Variants in EYS observed in about 807,000 individuals in gnomAD.
EYS encodes the protein protein eyes shut homolog.
In EYS, 250 loss-of-function variants were observed where a neutral mutation model predicts 282.1. The observed-to-expected ratio is 0.89, with a 90% confidence interval of 0.80 to 0.98. EYS has a LOEUF of 0.98. Ranked by LOEUF, EYS falls within the 50% of genes least tolerant of loss-of-function variation. The pLI is 0.00. For synonymous variants in EYS, 1,355 were observed against 1,282.9 expected (o/e 1.06, Z -1.20); for missense variants, 4,016 against 3,709.0 (o/e 1.08, Z -2.15).
At chr6:63,739,329 T>C (rs1202257942) in intron 41 of EYS, among the ~76,000 whole-genome samples, 1 of 152,060 alleles carries the variant, frequency 6.6e-6, no homozygotes, top group African/African-American at 2.4e-5. Flanking sequence ...GAGGGAGAAG[T>C]TGGCAGCTGA....
At chr6:63,848,529 G>A (rs186307606) in intron 36 of EYS, among the ~76,000 whole-genome samples, 19 of 151,698 alleles carry the variant, frequency 1.3e-4, no homozygotes, top group Non-Finnish European at 1.9e-4. Flanking sequence ...TGCAGTCCAC[G>A]GAGGGCAAGC....
In EYS at chr6:64,018,759, G is replaced by GTTTTTTTTTTTTTTTTT. The variant is rs1163533009; in HGVS notation, c.6726-19593_6726-19577dup. Among the ~76,000 whole-genome samples the GTTTTTTTTTTTTTTTTT allele has an allele frequency of 7.4e-5, 4 of 53,890 alleles. 1 individual carries two copies. Among genetic ancestry groups the GTTTTTTTTTTTTTTTTT allele is most frequent in the Admixed American group, 4.6e-4 (2 of 4,326 alleles). 35.4% of individuals were successfully genotyped at this position (53,890 alleles called of 152,430 possible). A position where few individuals can be genotyped will look rare whatever the true frequency, so the allele number is the denominator to read the frequency against. Reference sequence around the variant, plus strand: ...GAGTGTCCTGAATGTCATCACAAGTGTTTTTTTTTTTTTTTTTTTTTTTTT... The same window carrying GTTTTTTTTTTTTTTTTT: ...GAGTGTCCTGAATGTCATCACAAGTGTTTTTTTTTTTTTTTTTTTTTTTTTTTTTTTTTTTTTTTTTT... On this transcript the variant is annotated intron_variant, in intron 33 of 42. Coordinates refer to ENST00000503581, the MANE Select transcript of EYS (RefSeq NM_001142800.2).
At chr6:63,833,166 A>G (rs1185259954) in intron 36 of EYS, among the ~76,000 whole-genome samples, 1 of 152,206 alleles carries the variant, frequency 6.6e-6, no homozygotes, top group Non-Finnish European at 1.5e-5. Flanking sequence ...CAAGACAGGG[A>G]TGCCCTCTCT....
At chr6:64,295,282 T>A (rs1768880999) in intron 30 of EYS, among the ~76,000 whole-genome samples, 1 of 130,008 alleles carries the variant, frequency 7.7e-6, no homozygotes, top group African/African-American at 3.2e-5. Context: ...TGTATACATA[T>A]GTAACAAACC....
chr6:64,003,495 C>T (rs1024540340), intron 33 of EYS, among the ~76,000 whole-genome samples: 1 of 151,606 alleles, frequency 6.6e-6, no homozygotes, highest in Non-Finnish European at 1.5e-5. Flanking sequence ...TGATGGATAC[C>T]CCATTTAAAC....
At chr6:65,399,217 C>CT (rs1452097269) in intron 7 of EYS, among the ~76,000 whole-genome samples, 1 of 151,934 alleles carries the variant, frequency 6.6e-6, no homozygotes, top group African/African-American at 2.4e-5. Flanking sequence ...ATGAAAAGAG[C>CT]TTTTTTTCTT....
intron 12 of EYS, among the ~76,000 whole-genome samples, chr6:65,266,113 A>G (rs1767746036): frequency 6.6e-6 from 1 of 151,960 alleles, no homozygotes; most frequent in Non-Finnish European, 1.5e-5. Context: ...GATAATATAG[A>G]GAGAATTTTT....
intron 2 of EYS, among the ~76,000 whole-genome samples, chr6:65,513,023 CAA>C (rs1466921123): frequency 5.3e-5 from 8 of 152,058 alleles, no homozygotes; most frequent in African/African-American, 1.9e-4. Flanking sequence ...AAAGGATCAA[CAA>C]AATTGATAGA....
chr6:65,652,031 AT>A (rs1312806805), intron 1 of EYS, among the ~76,000 whole-genome samples: 1 of 151,872 alleles, frequency 6.6e-6, no homozygotes, highest in Middle Eastern at 3.2e-3. Flanking sequence ...TAGAAGCTCC[AT>A]TTTTTTCTGA....
chr6:65,332,193 T>G (rs1769820442), intron 11 of EYS: 1 of 517,302 alleles, frequency 1.9e-6, no homozygotes, highest in African/African-American at 1.9e-5. Context: ...GTTGAGTGTT[T>G]GTTTCATAAA....
chr6:65,113,899 T>G (rs1411998103), intron 12 of EYS, among the ~76,000 whole-genome samples: 1 of 152,020 alleles, frequency 6.6e-6, no homozygotes. Flanking sequence ...CAGATTCCTC[T>G]TTGTAGGTGT....
chr6:65,648,787 T>C (rs1423145516), intron 1 of EYS, among the ~76,000 whole-genome samples: 1 of 151,970 alleles, frequency 6.6e-6, no homozygotes, highest in East Asian at 1.9e-4. Flanking sequence ...TTAACTGAAA[T>C]TGGTGGCTGA....
intron 31 of EYS, among the ~76,000 whole-genome samples, chr6:64,227,564 A>G (rs1032240078): frequency 6.6e-6 from 1 of 152,018 alleles, no homozygotes; most frequent in Admixed American, 6.6e-5. Context: ...TAATTTAACA[A>G]CTCAAGGCTT....
intron 2 of EYS, among the ~76,000 whole-genome samples, chr6:65,522,904 AT>A (rs903590474): frequency 1.3e-5 from 2 of 152,160 alleles, no homozygotes; most frequent in Admixed American, 6.6e-5. Flanking sequence ...GTAACATTTA[AT>A]TATAATTACC....
At chr6:65,298,862 GC>G (rs35977747) in intron 11 of EYS, among the ~76,000 whole-genome samples, 12,369 of 151,874 alleles carry the variant, frequency 0.081, 657 homozygotes, top group African/African-American at 0.14. Context: ...TTCAAAGGTT[GC>G]AAATATTCTA....
intron 31 of EYS, among the ~76,000 whole-genome samples, chr6:64,223,241 A>C (rs951001599): frequency 7.2e-5 from 11 of 152,030 alleles, no homozygotes; most frequent in Admixed American, 3.9e-4. Context: ...GGCAGTATAT[A>C]AGAAATTATA....
intron 36 of EYS, among the ~76,000 whole-genome samples, chr6:63,849,332 C>A (rs979926737): frequency 6.6e-6 from 1 of 152,198 alleles, no homozygotes. Context: ...AGTGCTCAAG[C>A]TTTGCTAAGG....
At chr6:64,301,896 G>T (rs6913077) in intron 30 of EYS, among the ~76,000 whole-genome samples, 104,258 of 151,946 alleles carry the variant, frequency 0.69, 35,803 homozygotes, top group South Asian at 0.71. Context: ...CACTCAAAAA[G>T]CTGAGGTTGG....
chr6:65,239,251 A>ACCACAATTT (rs1263697602), intron 12 of EYS, among the ~76,000 whole-genome samples: 2 of 152,070 alleles, frequency 1.3e-5, no homozygotes, highest in Non-Finnish European at 2.9e-5. Flanking sequence ...AATAACAATT[A>ACCACAATTT]CCACAATTTT....
Sources: allele counts gnomAD v4.1 joint callset (sites outside exome capture counted in the v4.1 genomes callset), GRCh38; gene constraint gnomAD v4.1.1; transcripts MANE v1.5; gene names NCBI Gene and HGNC (gene_info 2026-07-23, HGNC 2026-07-21).